HHAT: variants seen among roughly 807,000 people sequenced by gnomAD.
HHAT encodes the protein protein-cysteine N-palmitoyltransferase HHAT.
A neutral mutation model predicts 70.8 loss-of-function variants in HHAT; 47 were observed. The observed-to-expected ratio is 0.66, with a 90% CI of 0.53 to 0.85. HHAT has a LOEUF of 0.85. Among genes scored for constraint, HHAT ranks in the 40% least tolerant of loss-of-function variants. The probability of loss-of-function intolerance (pLI) is 0.00; values close to 1 mark genes in which losing one functional copy is unlikely to be tolerated. For synonymous variants in HHAT, 228 were observed against 247.6 expected (o/e 0.92, Z 0.74); for missense variants, 609 against 604.8 (o/e 1.01, Z -0.07).
rs1407130052 is a variant in HHAT at position 210,587,990 on chromosome 1, A to G, written c.1136A>G (p.His379Arg). Residue 379 changes from histidine to arginine, a missense_variant, in exon 10 of 12, where the codon CAT (histidine) becomes CGT (arginine). By Grantham distance (29) the His-to-Arg change is conservative. Coordinates refer to ENST00000261458, the MANE Select transcript of HHAT (RefSeq NM_018194.6). ...AMTFAFVSYW[H>R]GGYDYLWCWA... The stretch of plus-strand genomic sequence containing the variant: ...ACATTTGCATTTGTGAGCTACTGGC[A>G]TGGCGGCTACGACTACCTCTGGTGC... 1 of 1,614,006 alleles carries G rather than the reference A, an allele frequency of 6.2e-7. No individual in the cohort carries two copies. The highest frequency in any genetic ancestry group is 8.5e-7 in the Non-Finnish European group (1 of 1,180,026).
chr1:210,661,038 A>G (rs1677586982), intron 11 of HHAT, among the ~76,000 whole-genome samples: 1 of 152,234 alleles, frequency 6.6e-6, no homozygotes, highest in Non-Finnish European at 1.5e-5. Flanking sequence ...CACCAAAAGC[A>G]ATGGCAACAA....
chr1:210,419,624 A>G (rs2092833615), intron 7 of HHAT, among the ~76,000 whole-genome samples: 1 of 152,184 alleles, frequency 6.6e-6, no homozygotes, highest in Admixed American at 6.5e-5. Flanking sequence ...CATTTCATAG[A>G]TCTTCTTAAA....
At chr1:210,402,491 C>T (rs1441869863) in intron 5 of HHAT, among the ~76,000 whole-genome samples, 2 of 152,174 alleles carry the variant, frequency 1.3e-5, no homozygotes, top group Non-Finnish European at 2.9e-5. Flanking sequence ...ACCGGATTCT[C>T]TTTCAAAGTA....
At chr1:210,375,277 A>ATATG (rs995427571) in intron 3 of HHAT, among the ~76,000 whole-genome samples, 18 of 141,438 alleles carry the variant, frequency 1.3e-4, no homozygotes, top group African/African-American at 5.1e-4. Flanking sequence ...TTTTAAATAT[A>ATATG]TATGTATGTG....
At position 210,540,165 on chromosome 1, in the gene HHAT, A is replaced by T. The variant is rs543547578; in HGVS notation, c.1043+26977A>T. On this transcript the variant is annotated intron_variant, in intron 9 of 11. Transcript: ENST00000261458. ...GAGGGCTTGGTATTTCTTTTTCACA[A>T]TAGCATCTGGATGAAACTAAAAAGT... Among the ~76,000 whole-genome samples, 133 of 152,110 alleles carry T rather than the reference A, an allele frequency of 8.7e-4. No homozygotes were observed. The East Asian group carries it at 0.019, about 22-fold the overall frequency.
At chr1:210,566,647 T>C (rs907461506) in intron 9 of HHAT, among the ~76,000 whole-genome samples, 2 of 151,958 alleles carry the variant, frequency 1.3e-5, no homozygotes, top group African/African-American at 4.8e-5. Context: ...GTTCAGCTGG[T>C]GATGATCAGA....
chr1:210,331,213 C>T (rs2084950038), intron 1 of HHAT, among the ~76,000 whole-genome samples: 1 of 151,910 alleles, frequency 6.6e-6, no homozygotes, highest in African/African-American at 2.4e-5. Context: ...CAGTGGGACC[C>T]CTGAGCTTGT....
chr1:210,597,536 A>G (rs975143959), intron 10 of HHAT, among the ~76,000 whole-genome samples: 5 of 152,114 alleles, frequency 3.3e-5, no homozygotes, highest in Non-Finnish European at 7.4e-5. Flanking sequence ...GCTGGCACCC[A>G]GGCTGCAATA....
chr1:210,495,113 A>G (rs1221392456), intron 8 of HHAT, among the ~76,000 whole-genome samples: 1 of 152,156 alleles, frequency 6.6e-6, no homozygotes. Flanking sequence ...AGGAGCAGCC[A>G]GTGAGTTACC....
intron 7 of HHAT, among the ~76,000 whole-genome samples, chr1:210,419,991 G>A (rs2092846454): frequency 6.6e-6 from 1 of 152,150 alleles, no homozygotes; most frequent in South Asian, 2.1e-4. Context: ...ATCGGCACTA[G>A]GGGTAGTAAA....
chr1:210,530,191 G>C (rs6540603), intron 9 of HHAT, among the ~76,000 whole-genome samples: 152,232 of 152,304 alleles, frequency 1, 76,080 homozygotes, highest in Middle Eastern at 1. Context: ...TTGAGTAAAT[G>C]ACTCAAAACC....
intron 4 of HHAT, 66 bp downstream of exon 4, chr1:210,387,647 C>A (rs1572080793): frequency 4.0e-6 from 5 of 1,262,476 alleles, no homozygotes; most frequent in Admixed American, 3.8e-5. Flanking sequence ...AGAAAGAGTC[C>A]AAGCTAGGAA....
At chr1:210,406,126 AGGGT>A (rs1252623662) in intron 6 of HHAT, among the ~76,000 whole-genome samples, 2 of 152,120 alleles carry the variant, frequency 1.3e-5, no homozygotes, top group Non-Finnish European at 2.9e-5. Context: ...GGCACAGCAT[AGGGT>A]GGGTTCCTCT....
At chr1:210,668,683 T>C (rs1032817375) in intron 11 of HHAT, among the ~76,000 whole-genome samples, 1 of 152,258 alleles carries the variant, frequency 6.6e-6, no homozygotes, top group Non-Finnish European at 1.5e-5. Context: ...AATACAGATA[T>C]GTATGTGGTA....
At position 210,574,509 on chromosome 1, in the gene HHAT, C is replaced by G. The variant is rs958986862; in HGVS notation, c.1044-13389C>G. On this transcript the variant is annotated intron_variant, in intron 9 of 11. Transcript: ENST00000261458. ...GGGACCCCCTGAAGGTAGGGACTTGCCCACCCTTGTTACACTAAATGCTTC... is the reference window on the plus strand; with the variant it reads ...GGGACCCCCTGAAGGTAGGGACTTGGCCACCCTTGTTACACTAAATGCTTC... Among the ~76,000 whole-genome samples the G allele has an allele frequency of 5.5e-4, 84 of 152,212 alleles. 5 individuals carry two copies. Among genetic ancestry groups the G allele is most frequent in the Non-Finnish European group, 1.5e-5 (1 of 68,040 alleles).
intron 6 of HHAT, among the ~76,000 whole-genome samples, chr1:210,416,716 G>A (rs565962238): frequency 6.6e-6 from 1 of 152,112 alleles, no homozygotes; most frequent in Non-Finnish European, 1.5e-5. Context: ...TCTTGCCTTT[G>A]GTGTTTGGCT....
intron 4 of HHAT, 99 bp downstream of exon 4, chr1:210,387,680 C>T: frequency 2.5e-6 from 2 of 806,398 alleles, no homozygotes; most frequent in South Asian, 1.6e-5. Context: ...GATATTAGCA[C>T]TGGGAGCCTG....
In HHAT at chr1:210,410,523, A is replaced by ATTTTTTTTTTTTTTTTTTTTTTT. The variant is rs35608235; in HGVS notation, c.684+5866_684+5867insTTTTTTTTTTTTTTTTTTTTTTT. Among the ~76,000 whole-genome samples, 6 of 116,418 alleles carry ATTTTTTTTTTTTTTTTTTTTTTT rather than the reference A, an allele frequency of 5.2e-5. 1 individual carries two copies. The highest frequency in any genetic ancestry group is 2.2e-4 in the African/African-American group (6 of 27,602). The allele number at this position is 116,418 out of a possible 152,430, so 76.4% of individuals were successfully genotyped here. ...CTTTTGCTGTGTTGTTTATTTGTAA[A>ATTTTTTTTTTTTTTTTTTTTTTT]TTTTTTTTTTTTTTTTTTTTTTAAG... On this transcript the variant is annotated intron_variant, in intron 6 of 11. Coordinates refer to ENST00000261458, the MANE Select transcript of HHAT (RefSeq NM_018194.6).
chr1:210,628,442 A>G (rs760187882), intron 11 of HHAT, among the ~76,000 whole-genome samples: 39 of 152,270 alleles, frequency 2.6e-4, no homozygotes, highest in African/African-American at 8.7e-4. Context: ...GCATCCACCA[A>G]ACATTGCCTT....
Sources: allele counts gnomAD v4.1 joint callset (sites outside exome capture counted in the v4.1 genomes callset), GRCh38; gene constraint gnomAD v4.1.1; transcripts MANE v1.5; gene names NCBI Gene and HGNC (gene_info 2026-07-23, HGNC 2026-07-21).